The following PDIA3 variants were observed in gnomAD, a reference collection of about 807,000 sequenced individuals.
PDIA3 encodes the protein protein disulfide-isomerase A3.
In PDIA3, 16 loss-of-function variants were observed where a neutral mutation model predicts 56.9. The ratio of observed to expected loss-of-function variants is 0.28; its 90% CI spans 0.19 to 0.43. The LOEUF (loss-of-function observed/expected upper bound fraction) is 0.43. Ranked by LOEUF, PDIA3 falls within the 20% of genes least tolerant of loss-of-function variation. PDIA3 has a pLI of 1.00. For missense variants in PDIA3, 485 were observed against 621.3 expected (o/e 0.78, Z 2.33); for synonymous variants, 192 against 216.5 (o/e 0.89, Z 0.99).
intron 3 of PDIA3, among the ~76,000 whole-genome samples, chr15:43,760,782 C>T (rs1157409287): frequency 6.6e-5 from 10 of 151,340 alleles, no homozygotes; most frequent in African/African-American, 1.5e-4. Context: ...CTGCCCGCCT[C>T]GGCCTCCCAA....
At chr15:43,764,219 G>A (rs1458441301) in intron 5 of PDIA3, among the ~76,000 whole-genome samples, 1 of 152,148 alleles carries the variant, frequency 6.6e-6, no homozygotes, top group Non-Finnish European at 1.5e-5. Flanking sequence ...ACGTAAATGG[G>A]TTAAATTTGT....
rs774936056 is a variant in PDIA3 at position 43,746,668 on chromosome 15, C to T, written c.129C>T (p.Gly43=). 5.6e-6 allele frequency: 9 copies of T among 1,612,816 alleles called. No individual in the cohort carries two copies. The highest frequency in any genetic ancestry group is 7.6e-6 in the Non-Finnish European group (9 of 1,179,904). Reference sequence around the variant, plus strand: ...TCGAGAGTCGCATCTCCGACACGGGCTCTGCGGGCCTCATGCTCGTCGAGT... The same window carrying T: ...TCGAGAGTCGCATCTCCGACACGGGTTCTGCGGGCCTCATGCTCGTCGAGT... The part of the protein sequence containing the change: ...DNFESRISDT[G]SAGLMLVEFF... The change falls in exon 1 of 13, where the codon GGC becomes GGT. Residue 43 remains glycine (G), a synonymous_variant. Transcript: ENST00000300289.
intron 1 of PDIA3, among the ~76,000 whole-genome samples, chr15:43,747,818 G>A (rs1329400112): frequency 6.6e-6 from 1 of 152,102 alleles, no homozygotes; most frequent in Admixed American, 6.6e-5. Context: ...AACTTGCTAA[G>A]GGTTACACGA....
intron 5 of PDIA3, among the ~76,000 whole-genome samples, chr15:43,765,242 A>C (rs1158515437): frequency 6.6e-6 from 1 of 152,026 alleles, no homozygotes; most frequent in Non-Finnish European, 1.5e-5. Context: ...TTAGTTGTGC[A>C]TGGTGGTGCA....
intron 5 of PDIA3, 142 bp downstream of exon 5, chr15:43,763,348 G>T: frequency 1.1e-6 from 1 of 888,078 alleles, no homozygotes; most frequent in Non-Finnish European, 1.7e-6. Context: ...CACCTCCCAG[G>T]TTCAAACGAT....
chr15:43,759,840 C>G (rs1222700710), intron 3 of PDIA3, among the ~76,000 whole-genome samples: 1 of 152,116 alleles, frequency 6.6e-6, no homozygotes, highest in East Asian at 1.9e-4. Flanking sequence ...AATCCCAGCA[C>G]TTTGGGAGGT....
chr15:43,771,918 G>A lies in PDIA3; in HGVS notation c.*700G>A, dbSNP rs1196466848. 3 of 301,456 alleles carry A rather than the reference G, an allele frequency of 1.0e-5. No individual in the cohort carries two copies. Among genetic ancestry groups the A allele is most frequent in the African/African-American group, 6.4e-5 (3 of 46,566 alleles). 18.7% of individuals were successfully genotyped at this position (301,456 alleles called of 1,614,324 possible). ...TAAGGATGGGTTCCTGTTTATCCTTGCCACGCAGCTGAGCTTACTGCATGT... is the reference window on the plus strand; with the variant it reads ...TAAGGATGGGTTCCTGTTTATCCTTACCACGCAGCTGAGCTTACTGCATGT... On this transcript the variant is annotated 3_prime_UTR_variant, in exon 13 of 13. Coordinates refer to ENST00000300289, the MANE Select transcript of PDIA3 (RefSeq NM_005313.5).
intron 2 of PDIA3, among the ~76,000 whole-genome samples, chr15:43,755,085 A>G (rs2086769783): frequency 6.6e-6 from 1 of 151,938 alleles, no homozygotes; most frequent in Admixed American, 6.6e-5. Context: ...CAGCACTTTG[A>G]CAGGCTGAGG....
intron 4 of PDIA3, among the ~76,000 whole-genome samples, chr15:43,762,502 ACT>A (rs1009423247): frequency 1.4e-5 from 2 of 145,940 alleles, no homozygotes; most frequent in Non-Finnish European, 3.0e-5. Context: ...CAAGAGCAAA[ACT>A]CTGTCGCAAA....
intron 12 of PDIA3, among the ~76,000 whole-genome samples, 176 bp from the exon 13 acceptor site, chr15:43,770,929 G>A (rs538826734): frequency 5.9e-5 from 9 of 152,244 alleles, no homozygotes; most frequent in South Asian, 4.1e-4. Flanking sequence ...GATTACAGGC[G>A]TGAGCCACCG....
chr15:43,770,648 T>C, intron 12 of PDIA3, 68 bp downstream of exon 12: 1 of 1,011,830 alleles, frequency 9.9e-7, no homozygotes, highest in East Asian at 2.4e-5. Context: ...TAAACATAGT[T>C]CTTTAATTGG....
At position 43,763,160 on chromosome 15, in the gene PDIA3, C is replaced by T; in HGVS notation, c.556C>T (p.His186Tyr). 6.2e-7 allele frequency: 1 copy of T among 1,614,112 alleles called. No homozygotes were observed. The highest frequency in any genetic ancestry group is 8.5e-7 in the Non-Finnish European group (1 of 1,179,952). ...SNLRDNYRFA[H>Y]TNVESLVNEY... is the part of the protein sequence containing the mutation. ...CTTGAGGGATAACTACCGATTTGCA[C>T]ATACGAATGTTGAGTCTCTGGTGAA... is the stretch of plus-strand genomic sequence containing the variant. Residue 186 changes from histidine (H) to tyrosine (Y), a missense_variant, in exon 5 of 13, where the codon CAT becomes TAT. Coordinates refer to ENST00000300289, the MANE Select transcript of PDIA3 (RefSeq NM_005313.5).
At chr15:43,752,047 T>C (rs1216382038) in intron 1 of PDIA3, among the ~76,000 whole-genome samples, 1 of 152,236 alleles carries the variant, frequency 6.6e-6, no homozygotes, top group African/African-American at 2.4e-5. Flanking sequence ...CTAGATGGCT[T>C]TACTCTTGTC....
At position 43,759,981 on chromosome 15, in the gene PDIA3, C is replaced by T. The variant is rs546194944; in HGVS notation, c.365-1443C>T. Among the ~76,000 whole-genome samples the T allele has an allele frequency of 6.6e-4, 101 of 152,138 alleles. 2 individuals carry two copies. In the South Asian group the frequency reaches 0.021, roughly 31 times the overall value. On this transcript the variant is annotated intron_variant, in intron 3 of 12. Transcript: ENST00000300289. ...GCAGGAGCCTGTAATTCCAGCTACT[C>T]GGGAGGCTGAGGCAGGAGAATTGCT...
chr15:43,754,768 C>T (rs572414407), intron 2 of PDIA3, among the ~76,000 whole-genome samples: 1 of 151,050 alleles, frequency 6.6e-6, no homozygotes, highest in South Asian at 2.1e-4. Context: ...GCAAGTAGAT[C>T]ACTTGAGACC....
chr15:43,751,273 T>C (rs1449820119), intron 1 of PDIA3, among the ~76,000 whole-genome samples: 2 of 152,068 alleles, frequency 1.3e-5, no homozygotes, highest in Admixed American at 1.3e-4. Flanking sequence ...TGCCTCTCTA[T>C]TGGCATCTAA....
chr15:43,759,429 T>C (rs2086800528), intron 3 of PDIA3, among the ~76,000 whole-genome samples: 1 of 152,142 alleles, frequency 6.6e-6, no homozygotes, highest in South Asian at 2.1e-4. Flanking sequence ...AAACAACCTA[T>C]AACAAAACTT....
chr15:43,769,279 G>A (rs1473144376), intron 9 of PDIA3, among the ~76,000 whole-genome samples: 1 of 152,188 alleles, frequency 6.6e-6, no homozygotes, highest in East Asian at 1.9e-4. Flanking sequence ...GAATGGTTGG[G>A]TAGCACTTCT....
chr15:43,773,077 G>A lies in PDIA3; in HGVS notation c.*1859G>A. ...GTTTATAGCTGCTTTGTTCCTTTGT[G>A]TTTCACTAAGCAGAGGCTCAAAAAT... On this transcript the variant is annotated 3_prime_UTR_variant, in exon 13 of 13. Transcript: ENST00000300289. 1.3e-6 allele frequency: 2 copies of A among 1,530,852 alleles called. No homozygotes were observed. Among genetic ancestry groups the A allele is most frequent in the Non-Finnish European group, 1.8e-6 (2 of 1,131,412 alleles). The allele number at this position is 1,530,852 out of a possible 1,614,324, so 94.8% of individuals were successfully genotyped here. A position where few individuals can be genotyped will look rare whatever the true frequency, so the allele number is the denominator to read the frequency against.
Sources: gnomAD v4.1 joint callset for allele counts (sites outside exome capture counted in the v4.1 genomes callset) on GRCh38, gnomAD v4.1.1 for gene constraint, MANE v1.5 for transcripts, NCBI Gene and HGNC (gene_info 2026-07-23, HGNC 2026-07-21) for gene names.